The following PARD3B variants were observed in gnomAD, a reference collection of about 807,000 sequenced individuals.
The protein encoded by PARD3B is par-3 family cell polarity regulator beta.
PARD3B carries 103 observed loss-of-function variants against 130.2 expected under a neutral mutation model. That is an observed-to-expected ratio of 0.79 (90% CI 0.67 to 0.93). The LOEUF (loss-of-function observed/expected upper bound fraction) is 0.93, where lower values mean the gene tolerates loss of function less well. PARD3B is among the 40% of genes least tolerant of loss of function. The pLI is 0.00. For synonymous variants in PARD3B, 583 were observed against 553.2 expected, an observed-to-expected ratio of 1.05 and a Z score of -0.76; for missense variants, 1,609 against 1,499.2, an observed-to-expected ratio of 1.07 and a Z score of -1.21.
chr2:204,995,243 G>A (rs1459608539), intron 3 of PARD3B, among the ~76,000 whole-genome samples: 2 of 151,994 alleles, frequency 1.3e-5, no homozygotes, highest in Non-Finnish European at 2.9e-5. Context: ...CATGTTTAGC[G>A]CTTCCTTCAG....
chr2:204,833,508 G>A (rs963119065), intron 2 of PARD3B, among the ~76,000 whole-genome samples: 2 of 152,000 alleles, frequency 1.3e-5, no homozygotes, highest in Admixed American at 1.3e-4. Context: ...TTCTTATCTT[G>A]AATTGGAGCT....
At chr2:205,061,562 C>A (rs111547999) in intron 4 of PARD3B, among the ~76,000 whole-genome samples, 1 of 152,022 alleles carries the variant, frequency 6.6e-6, no homozygotes, top group East Asian at 1.9e-4. Context: ...TAAATACATA[C>A]GTATGTTGGA....
At chr2:205,587,897 A>C (rs1014127362) in intron 22 of PARD3B, among the ~76,000 whole-genome samples, 2 of 152,186 alleles carry the variant, frequency 1.3e-5, no homozygotes, top group Non-Finnish European at 2.9e-5. Context: ...CAGGATGAAC[A>C]TGAGAGTGGA....
At position 205,244,958 on chromosome 2, in the gene PARD3B, A is replaced by G. The variant is rs928106526; in HGVS notation, c.2141-820A>G. Among the ~76,000 whole-genome samples, 2 of 152,038 alleles carry G rather than the reference A, an allele frequency of 1.3e-5. No individual in the cohort carries two copies. The highest frequency in any genetic ancestry group is 2.4e-5 in the African/African-American group (1 of 41,400). ...TCCAGTTTGGAATGGTTCTTTGCCA[A>G]CTCTTGGGTTAATTTTCTTACACAC... On this transcript the variant is annotated intron_variant, in intron 15 of 22. Coordinates refer to ENST00000406610, the MANE Select transcript of PARD3B (RefSeq NM_001302769.2). The surrounding 1 kb of genome is among the most constrained non-coding windows in gnomAD (Gnocchi z 4.7).
intron 2 of PARD3B, among the ~76,000 whole-genome samples, chr2:204,776,598 C>CT (rs1465324779): frequency 6.6e-6 from 1 of 151,750 alleles, no homozygotes; most frequent in Non-Finnish European, 1.5e-5. Flanking sequence ...AAGCATATTC[C>CT]TTTTTTCCCC....
At position 204,812,439 on chromosome 2, in the gene PARD3B, G is replaced by A. The variant is rs183798241; in HGVS notation, c.222+126157G>A. 2.8e-3 allele frequency among the ~76,000 whole-genome samples: 433 copies of A among 152,180 alleles called. 1 individual carries two copies. The highest frequency in any genetic ancestry group is 4.7e-3 in the Non-Finnish European group (317 of 68,004). The stretch of plus-strand genomic sequence containing the variant: ...ATGAAAGGAAGTACACTTGGTAGAC[G>A]GCCAAGTGGGCTACTTGAGAGATCC... On this transcript the variant is annotated intron_variant, in intron 2 of 22. Transcript: ENST00000406610.
intron 1 of PARD3B, among the ~76,000 whole-genome samples, chr2:204,637,418 A>C (rs2034923088): frequency 6.6e-6 from 1 of 152,178 alleles, no homozygotes; most frequent in Non-Finnish European, 1.5e-5. Context: ...CAGTTTCAGT[A>C]TACCTGTAGA....
intron 20 of PARD3B, among the ~76,000 whole-genome samples, chr2:205,447,253 G>T (rs1280099838): frequency 6.6e-6 from 1 of 152,170 alleles, no homozygotes; most frequent in East Asian, 1.9e-4. Flanking sequence ...GAGACCACTG[G>T]TCTCAGCTTC....
intron 2 of PARD3B, among the ~76,000 whole-genome samples, chr2:204,958,377 T>C (rs1489483652): frequency 3.3e-5 from 5 of 152,196 alleles, no homozygotes; most frequent in Non-Finnish European, 7.3e-5. Context: ...CTTCAAGTTA[T>C]GGTTGGCAAA....
intron 20 of PARD3B, among the ~76,000 whole-genome samples, chr2:205,455,030 G>C (rs1010307532): frequency 6.6e-6 from 1 of 152,038 alleles, no homozygotes; most frequent in African/African-American, 2.4e-5. Flanking sequence ...TTAAGAGCCA[G>C]GAGATAGAAC....
At chr2:205,222,019 G>A (rs2038267810) in intron 15 of PARD3B, among the ~76,000 whole-genome samples, 1 of 151,858 alleles carries the variant, frequency 6.6e-6, no homozygotes, top group Admixed American at 6.6e-5. Flanking sequence ...CTTAATATTT[G>A]GGTGATGAAA....
chr2:205,332,822 A>T (rs1366979452), intron 18 of PARD3B, among the ~76,000 whole-genome samples: 1 of 152,160 alleles, frequency 6.6e-6, no homozygotes, highest in Non-Finnish European at 1.5e-5. Flanking sequence ...TAGGGAATTG[A>T]TACTATGTTT....
intron 18 of PARD3B, among the ~76,000 whole-genome samples, chr2:205,319,250 C>T (rs548042375): frequency 5.9e-5 from 9 of 152,276 alleles, no homozygotes; most frequent in East Asian, 1.9e-4. Flanking sequence ...CCTAGCATGT[C>T]GGCTTCTACT....
At chr2:204,581,554 G>T (rs909306408) in intron 1 of PARD3B, among the ~76,000 whole-genome samples, 1 of 152,114 alleles carries the variant, frequency 6.6e-6, no homozygotes, top group Non-Finnish European at 1.5e-5. Context: ...CAGAAACTAG[G>T]TGTGGTGGGG....
intron 18 of PARD3B, among the ~76,000 whole-genome samples, chr2:205,396,781 T>C (rs1257260013): frequency 1.3e-5 from 2 of 152,218 alleles, no homozygotes; most frequent in Non-Finnish European, 2.9e-5. Flanking sequence ...TAACAGATAA[T>C]GGGAGGCCTG....
At chr2:205,173,078 T>G (rs1412460116) in intron 12 of PARD3B, among the ~76,000 whole-genome samples, 1 of 152,064 alleles carries the variant, frequency 6.6e-6, no homozygotes, top group East Asian at 1.9e-4. Context: ...TAGAAAAAGC[T>G]AAGAAGAAAA....
intron 2 of PARD3B, among the ~76,000 whole-genome samples, chr2:204,931,311 G>A (rs780234272): frequency 1.3e-5 from 2 of 152,038 alleles, no homozygotes; most frequent in Admixed American, 6.6e-5. Context: ...ATCATAGCAT[G>A]TACTATTAGT....
intron 22 of PARD3B, among the ~76,000 whole-genome samples, chr2:205,583,356 T>C (rs2054065795): frequency 6.6e-6 from 1 of 150,398 alleles, no homozygotes; most frequent in African/African-American, 2.5e-5. Context: ...AAGAAATTAG[T>C]CATCTCTCTC....
At chr2:205,604,554 A>T (rs560822422) in intron 22 of PARD3B, among the ~76,000 whole-genome samples, 1 of 152,304 alleles carries the variant, frequency 6.6e-6, no homozygotes, top group African/African-American at 2.4e-5. Context: ...ACCATATCAT[A>T]GGGTTTCTGC....
Sources: allele counts gnomAD v4.1 joint callset (sites outside exome capture counted in the v4.1 genomes callset), GRCh38; gene constraint gnomAD v4.1.1; non-coding constraint Gnocchi (gnomAD v3.1); transcripts MANE v1.5; gene names NCBI Gene and HGNC (gene_info 2026-07-23, HGNC 2026-07-21).